Variants in FRAS1 observed in about 807,000 individuals in gnomAD.
FRAS1 encodes the protein Fraser extracellular matrix complex subunit 1.
A neutral mutation model predicts 435.2 loss-of-function variants in FRAS1; 290 were observed. The ratio of observed to expected loss-of-function variants is 0.67; its 90% CI spans 0.61 to 0.73. The LOEUF (loss-of-function observed/expected upper bound fraction) is 0.73, where lower values mean the gene tolerates loss of function less well. Among genes scored for constraint, FRAS1 ranks in the 30% least tolerant of loss-of-function variants. FRAS1 has a pLI of 0.00. For missense variants in FRAS1, 4,860 were observed against 5,001.5 expected, an observed-to-expected ratio of 0.97 and a Z score of 0.85; for synonymous variants, 1,800 against 1,851.0, an observed-to-expected ratio of 0.97 and a Z score of 0.71.
In FRAS1 at chr4:78,308,208, C is replaced by T. The variant is rs374815946; in HGVS notation, c.1677C>T (p.Ser559=). 14 of 1,613,610 alleles carry T rather than the reference C, an allele frequency of 8.7e-6. No individual in the cohort carries two copies. The highest frequency in any genetic ancestry group is 7.7e-5 in the South Asian group (7 of 91,028). Residue 559 remains serine (S), a splice_region_variant and synonymous_variant, in exon 15 of 74, where the codon AGC becomes AGT. Transcript: ENST00000512123. ...TCTACAACAGGCAGGGCACCTGTAG[C>T]GGTGAGTGCTGGGTTGCGATGCTGA... is the stretch of plus-strand genomic sequence containing the variant. ...KGFYNRQGTC[S]ACDQSCDSCG...
rs1410472093 is a variant in FRAS1, at chr4:78,315,030, TG to T, written c.1679-563del. ...GTGTTTCTAACCCCGGCACAAGACC[TG>T]ACACAGACCTTAGCATATGTTTTAG... On this transcript the variant is annotated intron_variant, in intron 15 of 73. Transcript: ENST00000512123. Among the ~76,000 whole-genome samples the T allele has an allele frequency of 5.3e-5, 8 of 152,344 alleles. No individual in the cohort carries two copies. The South Asian group carries it at 1.5e-3, about 28-fold the overall frequency.
intron 67 of FRAS1, 141 bp from the exon 68 acceptor site, chr4:78,521,382 A>T (rs979994161): frequency 1.4e-5 from 8 of 580,562 alleles, no homozygotes; most frequent in Non-Finnish European, 2.4e-5. Context: ...ATATGTTTCT[A>T]TAGACATATA....
chr4:78,327,978 C>A (rs1470383277), intron 18 of FRAS1, among the ~76,000 whole-genome samples: 1 of 152,160 alleles, frequency 6.6e-6, no homozygotes, highest in African/African-American at 2.4e-5. Context: ...TCTTTTCCCT[C>A]TGTACCCACA....
Position 78,310,841 on chromosome 4 carries a change from G to A in FRAS1, c.1678+2632G>A, listed in dbSNP as rs138242107. On this transcript the variant is annotated intron_variant, in intron 15 of 73. Coordinates refer to ENST00000512123, the MANE Select transcript of FRAS1 (RefSeq NM_025074.7). The stretch of plus-strand genomic sequence containing the variant: ...ATTAATACTATTCAAGATAAAGACC[G>A]GCTGGTGTGGGTTTAACAATTTATA... Among the ~76,000 whole-genome samples, 4 of 152,270 alleles carry A rather than the reference G, an allele frequency of 2.6e-5. 1 individual carries two copies. In the East Asian group the frequency reaches 7.7e-4, roughly 29 times the overall value.
chr4:78,234,264 C>T (rs1461974013), intron 2 of FRAS1, among the ~76,000 whole-genome samples: 1 of 151,968 alleles, frequency 6.6e-6, no homozygotes, highest in Admixed American at 6.5e-5. Flanking sequence ...CTCGCTCTGT[C>T]ACCCAGGCTG....
In FRAS1 at chr4:78,478,027, C is replaced by G. The variant is rs371145937; in HGVS notation, c.8064C>G (p.Ser2688Arg). ...FDKKIYWVNE[S>R]AGFLFAPIER... ...AGAAGATCTACTGGGTTAACGAGAGCGCTGGTTTTCTGTTTGCACCTATTG... is the reference window on the plus strand; with the variant it reads ...AGAAGATCTACTGGGTTAACGAGAGGGCTGGTTTTCTGTTTGCACCTATTG... The change falls in exon 55 of 74, where the codon AGC becomes AGG. Residue 2688 changes from serine to arginine, a missense_variant. Ser to Arg is a moderately radical substitution (Grantham distance 110, BLOSUM62 -1). Transcript: ENST00000512123. 2 of 1,587,716 alleles carry G rather than the reference C, an allele frequency of 1.3e-6. No homozygotes were observed. The highest frequency in any genetic ancestry group is 2.3e-5 in the East Asian group (1 of 43,762).
In FRAS1 at chr4:78,333,518, C is replaced by T. The variant is rs1047380581; in HGVS notation, c.2278+106C>T. The T allele has an allele frequency of 1.9e-5, 23 of 1,201,894 alleles. No individual in the cohort carries two copies. The African/African-American group carries it at 3.4e-4, about 18-fold the overall frequency. The allele number at this position is 1,201,894 out of a possible 1,614,324, so 74.5% of individuals were successfully genotyped here. A position where few individuals can be genotyped will look rare whatever the true frequency, so the allele number is the denominator to read the frequency against. On this transcript the variant is annotated intron_variant, in intron 19 of 73. Transcript: ENST00000512123. ...CCTTGTCATACCGGGGACTAAGATT[C>T]AGCTGTAAATCCTTGTCTTGAACTT...
chr4:78,469,869 A>G lies in FRAS1; in HGVS notation c.7258-109A>G, dbSNP rs140978445. The G allele has an allele frequency of 4.8e-5, 38 of 792,526 alleles. No homozygotes were observed. In the East Asian group the frequency reaches 1.0e-3, roughly 21 times the overall value. The allele number at this position is 792,526 out of a possible 1,614,324, so 49.1% of individuals were successfully genotyped here. ...GAACGGGCTCAGTTGCCCATCCCTCATCTCTGAAGTGTTAGCAGACTTCAG... is the reference window on the plus strand; with the variant it reads ...GAACGGGCTCAGTTGCCCATCCCTCGTCTCTGAAGTGTTAGCAGACTTCAG... On this transcript the variant is annotated intron_variant, in intron 50 of 73. Transcript: ENST00000512123.
intron 34 of FRAS1, among the ~76,000 whole-genome samples, chr4:78,423,451 C>A (rs919128402): frequency 6.6e-6 from 1 of 152,306 alleles, no homozygotes; most frequent in Non-Finnish European, 1.5e-5. Context: ...CTGCTCCCAG[C>A]CACTAGTGCT....
chr4:78,216,244 C>A (rs1723764022), intron 2 of FRAS1, among the ~76,000 whole-genome samples: 1 of 152,206 alleles, frequency 6.6e-6, no homozygotes, highest in Non-Finnish European at 1.5e-5. Context: ...TCTAGATTTG[C>A]CCTAGAATGC....
At chr4:78,163,905 G>T (rs893210668) in intron 2 of FRAS1, among the ~76,000 whole-genome samples, 3 of 152,202 alleles carry the variant, frequency 2.0e-5, no homozygotes, top group African/African-American at 7.2e-5. Context: ...GTTGGGCATG[G>T]CCACATCTGA....
chr4:78,464,667 G>C, intron 49 of FRAS1, 84 bp downstream of exon 49: 1 of 1,465,392 alleles, frequency 6.8e-7, no homozygotes, highest in Non-Finnish European at 9.3e-7. Flanking sequence ...TGTGCATCCT[G>C]ATGGTAGGGA....
chr4:78,515,713 G>T, intron 65 of FRAS1, 86 bp from the exon 66 acceptor site: 2 of 1,240,524 alleles, frequency 1.6e-6, no homozygotes, highest in South Asian at 2.5e-5. Flanking sequence ...AGTGCTTTTA[G>T]TGCAAAAGGG....
At chr4:78,139,473 A>G (rs1002685792) in intron 2 of FRAS1, among the ~76,000 whole-genome samples, 2 of 152,168 alleles carry the variant, frequency 1.3e-5, no homozygotes, top group East Asian at 3.9e-4. Context: ...GAGACCTAAG[A>G]ACATTGATTC....
At chr4:78,249,718 C>T (rs977137970) in intron 4 of FRAS1, among the ~76,000 whole-genome samples, 1 of 152,154 alleles carries the variant, frequency 6.6e-6, no homozygotes, top group Non-Finnish European at 1.5e-5. Context: ...AATAAATTTA[C>T]ATGATCAGAG....
At chr4:78,170,362 CA>C (rs1363007186) in intron 2 of FRAS1, among the ~76,000 whole-genome samples, 2 of 152,154 alleles carry the variant, frequency 1.3e-5, no homozygotes, top group East Asian at 3.8e-4. Context: ...GGTTAGCCAA[CA>C]ACCGGTAGTG....
rs1725581563 is a variant in FRAS1, at chr4:78,252,458, A to G, written c.376A>G (p.Thr126Ala). Residue 126 changes from threonine (T) to alanine (A), a missense_variant, in exon 5 of 74, where the codon ACC (threonine) becomes GCC (alanine). By Grantham distance (58) the Thr-to-Ala change is moderately conservative. Transcript: ENST00000512123. Reference protein sequence around the residue: ...CSCNHGEVRCTPQPCPPLSCG... With the variant: ...CSCNHGEVRCAPQPCPPLSCG... ...TTGCAATCATGGGGAAGTCCGATGT[A>G]CCCCCCAACCATGCCCACCGCTGTC... 3 of 1,612,430 alleles carry G rather than the reference A, an allele frequency of 1.9e-6. No individual in the cohort carries two copies. Among genetic ancestry groups the G allele is most frequent in the Non-Finnish European group, 2.5e-6 (3 of 1,179,538 alleles).
chr4:78,136,897 A>G (rs370245141), intron 2 of FRAS1, among the ~76,000 whole-genome samples: 1 of 152,176 alleles, frequency 6.6e-6, no homozygotes, highest in East Asian at 1.9e-4. Flanking sequence ...CTTTTGGCAT[A>G]CCTACTGTGC....
intron 17 of FRAS1, among the ~76,000 whole-genome samples, chr4:78,318,568 T>G (rs1213698516): frequency 6.6e-6 from 1 of 152,332 alleles, no homozygotes; most frequent in South Asian, 2.1e-4. Context: ...GTTTGTTTGT[T>G]GTTGTTGTTG....
Sources: allele counts gnomAD v4.1 joint callset (sites outside exome capture counted in the v4.1 genomes callset), GRCh38; gene constraint gnomAD v4.1.1; transcripts MANE v1.5; gene names NCBI Gene and HGNC (gene_info 2026-07-23, HGNC 2026-07-21).